Variants in MED13 observed in about 807,000 individuals in gnomAD.
MED13 encodes mediator complex subunit 13, also known as mediator of RNA polymerase II transcription subunit 13.
Under a neutral mutation model 225.2 loss-of-function variants are expected in MED13, and 23 were observed. The ratio of observed to expected loss-of-function variants is 0.10; its 90% CI spans 0.07 to 0.14. The LOEUF (loss-of-function observed/expected upper bound fraction) is 0.14, where lower values mean the gene tolerates loss of function less well. Ranked by LOEUF, MED13 falls within the 10% of genes least tolerant of loss-of-function variation. The pLI, the probability that MED13 is intolerant of heterozygous loss-of-function variation, is 1.00. For missense variants in MED13, 2,197 were observed against 2,594.5 expected, an observed-to-expected ratio of 0.85 and a Z score of 3.33; for synonymous variants, 942 against 889.2, an observed-to-expected ratio of 1.06 and a Z score of -1.06.
chr17:62,034,018 A>C, intron 4 of MED13, 34 bp from the exon 5 acceptor site: 1 of 1,572,910 alleles, frequency 6.4e-7, no homozygotes, highest in Non-Finnish European at 8.7e-7. Flanking sequence ...AATAAGTAAC[A>C]AAAGACTGTT....
At chr17:62,033,068 T>C (rs552624326) in intron 5 of MED13, among the ~76,000 whole-genome samples, 1 of 152,034 alleles carries the variant, frequency 6.6e-6, no homozygotes, top group East Asian at 1.9e-4. Context: ...GAAAAGCGCT[T>C]GAACCTGGGA....
rs1406967589 is a variant in MED13 at position 61,953,112 on chromosome 17, A to G, written c.5970T>C (p.Asp1990=). The change falls in exon 27 of 30, where the codon GAT becomes GAC. Residue 1990 remains aspartate, a splice_region_variant and synonymous_variant. Coordinates refer to ENST00000397786, the MANE Select transcript of MED13 (RefSeq NM_005121.3). ...NLDLAFNPNN[D]GADGMGIFDL... ...CAAAGATACCCATTCCATCTGCTCC[A>G]TCTAAACAGGAGAAAGAAAAGAAAT... 2 of 1,610,998 alleles carry G rather than the reference A, an allele frequency of 1.2e-6. No homozygotes were observed. The highest frequency in any genetic ancestry group is 8.5e-7 in the Non-Finnish European group (1 of 1,179,192).
chr17:62,060,185 C>T (rs1356911912), intron 2 of MED13, among the ~76,000 whole-genome samples: 2 of 151,964 alleles, frequency 1.3e-5, no homozygotes, highest in African/African-American at 2.4e-5. Context: ...CCCAGCTACT[C>T]GGGAGGCTGA....
intron 8 of MED13, among the ~76,000 whole-genome samples, chr17:62,020,685 CTT>C (rs78598460): frequency 1.5e-4 from 15 of 100,786 alleles, no homozygotes; most frequent in Admixed American, 1.9e-4. Context: ...GGCCTGCTTT[CTT>C]TTTTTTTTTT....
intron 28 of MED13, among the ~76,000 whole-genome samples, chr17:61,950,530 C>G (rs2079888062): frequency 6.6e-6 from 1 of 152,014 alleles, no homozygotes; most frequent in Non-Finnish European, 1.5e-5. Context: ...ACTACAGGCG[C>G]CCGCCACCAC....
intron 5 of MED13, among the ~76,000 whole-genome samples, chr17:62,032,076 ATG>A (rs1366065428): frequency 6.6e-6 from 1 of 152,086 alleles, no homozygotes; most frequent in Non-Finnish European, 1.5e-5. Context: ...AGCCTAAAAA[ATG>A]TGTGTTTTTT....
intron 3 of MED13, among the ~76,000 whole-genome samples, chr17:62,041,918 T>C (rs914612063): frequency 1.3e-5 from 2 of 152,124 alleles, no homozygotes; most frequent in Non-Finnish European, 2.9e-5. Flanking sequence ...TTATTTTTAT[T>C]CCGTGAATTC....
chr17:61,946,701 A>C (rs1473352241), intron 29 of MED13, 101 bp from the exon 30 acceptor site: 5 of 1,426,182 alleles, frequency 3.5e-6, no homozygotes, highest in Non-Finnish European at 3.9e-6. Flanking sequence ...TCACCTTAAA[A>C]AAGAGTGTAA....
At chr17:62,059,897 A>G (rs1026503238) in intron 2 of MED13, among the ~76,000 whole-genome samples, 3 of 152,254 alleles carry the variant, frequency 2.0e-5, no homozygotes, top group Admixed American at 6.5e-5. Flanking sequence ...TATGCAAACT[A>G]AAACAGTACA....
chr17:62,012,522 G>A (rs911381041), intron 8 of MED13, among the ~76,000 whole-genome samples: 10 of 151,524 alleles, frequency 6.6e-5, no homozygotes, highest in African/African-American at 2.2e-4. Flanking sequence ...TAGAGACGGG[G>A]TTTTTCCATG....
At position 61,973,162 on chromosome 17, in the gene MED13, T is replaced by C. The variant is rs1410554493; in HGVS notation, c.3806-274A>G. On this transcript the variant is annotated intron_variant, in intron 16 of 29. Transcript: ENST00000397786. ...ATTAGCTGATTAATCAATTTATAAA[T>C]TAATCAAATAAATTTCTTTCTTTTT... Among the ~76,000 whole-genome samples the C allele has an allele frequency of 2.0e-5, 3 of 152,208 alleles. No individual in the cohort carries two copies. In the East Asian group the frequency reaches 5.8e-4, roughly 29 times the overall value.
At chr17:61,970,876 T>C (rs1030745529) in intron 17 of MED13, among the ~76,000 whole-genome samples, 3 of 151,562 alleles carry the variant, frequency 2.0e-5, no homozygotes, top group African/African-American at 7.3e-5. Flanking sequence ...TATACAAAAA[T>C]TAGCTGGGTG....
chr17:62,059,809 T>A (rs1303541179), intron 2 of MED13, among the ~76,000 whole-genome samples: 1 of 152,222 alleles, frequency 6.6e-6, no homozygotes, highest in African/African-American at 2.4e-5. Context: ...ATACGTCTGA[T>A]TTAAGTAACA....
intron 9 of MED13, among the ~76,000 whole-genome samples, chr17:61,998,722 C>A (rs190531900): frequency 6.6e-6 from 1 of 151,360 alleles, no homozygotes; most frequent in African/African-American, 2.4e-5. Flanking sequence ...TCTTCGGCCT[C>A]CTGAGTAGCT....
At chr17:61,964,032 G>C (rs1567946230) in intron 20 of MED13, among the ~76,000 whole-genome samples, 2 of 152,158 alleles carry the variant, frequency 1.3e-5, no homozygotes, top group Non-Finnish European at 2.9e-5. Flanking sequence ...GCAGGTAAAT[G>C]GCAGAGCTGA....
At chr17:62,003,429 C>T (rs964837521) in intron 9 of MED13, among the ~76,000 whole-genome samples, 3 of 151,740 alleles carry the variant, frequency 2.0e-5, no homozygotes, top group African/African-American at 7.3e-5. Flanking sequence ...AACATGGTGA[C>T]ACCTCGTCTC....
intron 23 of MED13, among the ~76,000 whole-genome samples, chr17:61,957,658 T>TA (rs2079959525): frequency 6.6e-6 from 1 of 151,828 alleles, no homozygotes; most frequent in South Asian, 2.1e-4. Context: ...CAGCAAACTT[T>TA]TTTTAAAGAG....
At chr17:62,050,029 T>C (rs1448332409) in intron 3 of MED13, among the ~76,000 whole-genome samples, 1 of 151,862 alleles carries the variant, frequency 6.6e-6, no homozygotes, top group African/African-American at 2.4e-5. Flanking sequence ...AAATATTGTT[T>C]TTACCAAAAC....
intron 3 of MED13, among the ~76,000 whole-genome samples, chr17:62,037,905 G>A (rs941599368): frequency 1.7e-5 from 2 of 121,212 alleles, no homozygotes; most frequent in African/African-American, 6.0e-5. Flanking sequence ...GCAGTGGGTT[G>A]AGATCTTGCC....
Sources: allele counts gnomAD v4.1 joint callset (sites outside exome capture counted in the v4.1 genomes callset), GRCh38; gene constraint gnomAD v4.1.1; transcripts MANE v1.5; gene names NCBI Gene and HGNC (gene_info 2026-07-23, HGNC 2026-07-21).